The following RNF213 variants were observed in gnomAD, a reference collection of about 807,000 sequenced individuals.
The protein encoded by RNF213 is ring finger protein 213.
A neutral mutation model predicts 514.4 loss-of-function variants in RNF213; 341 were observed. That is an observed-to-expected ratio of 0.66 (90% CI 0.61 to 0.73). RNF213 has a LOEUF of 0.73. Ranked by LOEUF, RNF213 falls within the 30% of genes least tolerant of loss-of-function variation. RNF213 has a pLI of 0.00. For missense variants in RNF213, 5,767 were observed against 6,615.6 expected (o/e 0.87, Z 4.45); for synonymous variants, 2,655 against 2,658.2 (o/e 1.00, Z 0.04).
chr17:80,283,997 G>A (rs999443757), intron 3 of RNF213, among the ~76,000 whole-genome samples: 1 of 152,214 alleles, frequency 6.6e-6, no homozygotes, highest in Admixed American at 6.5e-5. Flanking sequence ...GCCGAGGTGG[G>A]TGGATCACCT....
intron 40 of RNF213, 32 bp from the exon 41 acceptor site, chr17:80,363,577 G>T: frequency 6.2e-7 from 1 of 1,610,890 alleles, no homozygotes; most frequent in South Asian, 1.1e-5. Context: ...GAGGGGCACC[G>T]CTCAGCCACG....
Position 80,347,680 on chromosome 17 carries a change from A to G in RNF213, c.9345A>G (p.Ala3115=). 1 of 1,613,916 alleles carries G rather than the reference A, an allele frequency of 6.2e-7. No homozygotes were observed. The highest frequency in any genetic ancestry group is 8.5e-7 in the Non-Finnish European group (1 of 1,179,886). The change falls in exon 29 of 68, where the codon GCA becomes GCG. Residue 3115 remains alanine, a synonymous_variant. Transcript: ENST00000582970. The surrounding 1 kb of genome is among the most constrained non-coding windows in gnomAD (Gnocchi z 7.2). ...LQNLYESLYD[A]LNQYYVHLGG... ...ACCTCTACGAGAGCCTCTACGACGC[A>G]CTCAACCAGTACTACGTCCACCTCG...
chr17:80,385,945 C>T (rs1043949926), intron 61 of RNF213, among the ~76,000 whole-genome samples: 1 of 152,186 alleles, frequency 6.6e-6, no homozygotes, highest in Non-Finnish European at 1.5e-5. Context: ...GGATTACAAG[C>T]GGGAGCCACT....
At chr17:80,385,467 G>A in intron 60 of RNF213, 71 bp from the exon 61 acceptor site, 6 of 1,316,156 alleles carry the variant, frequency 4.6e-6, no homozygotes, top group Non-Finnish European at 5.5e-6. Flanking sequence ...GGCAGAGCAT[G>A]TAACTAGGGT....
At chr17:80,282,845 G>A (rs991641946) in intron 3 of RNF213, among the ~76,000 whole-genome samples, 1 of 151,842 alleles carries the variant, frequency 6.6e-6, no homozygotes, top group Non-Finnish European at 1.5e-5. Context: ...TTACAGGTGT[G>A]TGCCACCACG....
At position 80,383,071 on chromosome 17, in the gene RNF213, G is replaced by A. The variant is rs1599198600; in HGVS notation, c.14070+1G>A. On this transcript the variant is annotated splice_donor_variant, in intron 58 of 67. Coordinates refer to ENST00000582970, the MANE Select transcript of RNF213 (RefSeq NM_001256071.3). LOFTEE classifies it high-confidence loss of function. ...AGCTGTGATTTCTCCTGAACTGGAG[G>A]TAAGCAGTAAGTGCTGACAGCTGGG... 6.2e-7 allele frequency: 1 copy of A among 1,606,988 alleles called. No individual in the cohort carries two copies. The highest frequency in any genetic ancestry group is 8.5e-7 in the Non-Finnish European group (1 of 1,173,608).
intron 47 of RNF213, 35 bp from the exon 48 acceptor site, chr17:80,372,486 T>A: frequency 6.6e-7 from 1 of 1,525,422 alleles, no homozygotes. Flanking sequence ...TTTAAAAAAA[T>A]AATATCCTTT....
In RNF213 at chr17:80,361,907, G is replaced by A. The variant is rs763170280; in HGVS notation, c.11355+19G>A. The A allele has an allele frequency of 6.2e-6, 10 of 1,607,966 alleles. No individual in the cohort carries two copies. Among genetic ancestry groups the A allele is most frequent in the African/African-American group, 1.3e-5 (1 of 74,756 alleles). On this transcript the variant is annotated intron_variant, in intron 39 of 67. Transcript: ENST00000582970. ...ATTAAAGGTAGATGTTTAGATACTG[G>A]CTAAGGGTCAGGTGTAGAGCTTGCA...
intron 50 of RNF213, among the ~76,000 whole-genome samples, 162 bp from the exon 51 acceptor site, chr17:80,375,598 C>T (rs1258319392): frequency 2.0e-5 from 3 of 151,806 alleles, no homozygotes; most frequent in Admixed American, 1.3e-4. Context: ...CCCAGCTACT[C>T]GGGAGGCTGA....
intron 22 of RNF213, among the ~76,000 whole-genome samples, chr17:80,335,344 G>A (rs2077958884): frequency 1.3e-5 from 2 of 152,336 alleles, no homozygotes; most frequent in South Asian, 4.1e-4. Context: ...AGAGGAGGCA[G>A]GAGGGGCACA....
intron 18 of RNF213, among the ~76,000 whole-genome samples, chr17:80,325,751 G>C (rs1441464278): frequency 6.6e-6 from 1 of 151,924 alleles, no homozygotes; most frequent in African/African-American, 2.4e-5. Flanking sequence ...AAAAACGTTA[G>C]AGTCCAGTTG....
chr17:80,385,621 G>T lies in RNF213; in HGVS notation c.14539G>T (p.Gly4847Cys). Residue 4847 changes from glycine to cysteine, a missense_variant and splice_region_variant, in exon 61 of 68, where the codon GGT becomes TGT. By Grantham distance (159) the Gly-to-Cys change is radical. This residue lies in a region of RNF213 where 1,245 missense variants were observed against 1,339.0 expected (regional missense o/e 0.93). Transcript: ENST00000582970. ...NKLRRSLETN[G>C]EINLPKDYCS... ...ACTGAGGAGATCGCTTGAGACGAAC[G>T]GTTAGTATCCTGTCCCCTGTACCAC... 6.2e-7 allele frequency: 1 copy of T among 1,613,562 alleles called. No individual in the cohort carries two copies. Among genetic ancestry groups the T allele is most frequent in the South Asian group, 1.1e-5 (1 of 91,054 alleles).
chr17:80,352,696 G>GTCTTA (rs1263761556), intron 32 of RNF213: 4 of 644,856 alleles, frequency 6.2e-6, no homozygotes, highest in Non-Finnish European at 8.5e-6. Flanking sequence ...TCCCACGCTG[G>GTCTTA]CCATTGCAGG....
chr17:80,383,723 A>G lies in RNF213; in HGVS notation c.14117A>G (p.Asp4706Gly), dbSNP rs768855138. ...ACCATGAATAATCTCATCAGCCAAG[A>G]TAAGCGTATCAGCTCTAACCCTGTG... ...LPTMNNLISQ[D>G]KRISSNPVAK... Residue 4706 changes from aspartate to glycine, a missense_variant, in exon 59 of 68, where the codon GAT becomes GGT. This residue lies in a region of RNF213 where 1,245 missense variants were observed against 1,339.0 expected (regional missense o/e 0.93). Coordinates refer to ENST00000582970, the MANE Select transcript of RNF213 (RefSeq NM_001256071.3). The G allele has an allele frequency of 2.9e-5, 47 of 1,613,956 alleles. No individual in the cohort carries two copies. Among genetic ancestry groups the G allele is most frequent in the Non-Finnish European group, 3.9e-5 (46 of 1,180,008 alleles).
chr17:80,294,757 T>C lies in RNF213; in HGVS notation c.1509T>C (p.Pro503=). ...ACTATGACATAGTTTATATGAAGCC[T>C]CATGGGAGACTCCAGAAAGTCATGA... is the stretch of plus-strand genomic sequence containing the variant. ...HQYYDIVYMK[P]HGRLQKVMNH... The change falls in exon 9 of 68, where the codon CCT becomes CCC. Residue 503 remains proline, a synonymous_variant. Coordinates refer to ENST00000582970, the MANE Select transcript of RNF213 (RefSeq NM_001256071.3). The C allele has an allele frequency of 6.2e-7, 1 of 1,614,066 alleles. No homozygotes were observed. The highest frequency in any genetic ancestry group is 8.5e-7 in the Non-Finnish European group (1 of 1,180,038).
intron 42 of RNF213, among the ~76,000 whole-genome samples, chr17:80,365,794 G>A (rs372291787): frequency 3.3e-5 from 5 of 152,228 alleles, no homozygotes; most frequent in East Asian, 3.9e-4. Flanking sequence ...ATCATGTCTC[G>A]GCGCTCTGGG....
At chr17:80,322,135 T>G (rs2046156190) in intron 17 of RNF213, among the ~76,000 whole-genome samples, 1 of 148,532 alleles carries the variant, frequency 6.7e-6, no homozygotes, top group African/African-American at 2.5e-5. Flanking sequence ...TTGAGATATT[T>G]TGCCCCTCAT....
At position 80,317,265 on chromosome 17, in the gene RNF213, GAGGCTC is replaced by G; in HGVS notation, c.2891_2896del (p.Arg964_Leu965del). The G allele has an allele frequency of 6.2e-7, 1 of 1,612,596 alleles. No homozygotes were observed. Among genetic ancestry groups the G allele is most frequent in the Non-Finnish European group, 8.5e-7 (1 of 1,179,748 alleles). On this transcript the variant is annotated inframe_deletion, in exon 16 of 68. Coordinates refer to ENST00000582970, the MANE Select transcript of RNF213 (RefSeq NM_001256071.3). The surrounding 1 kb of genome is among the most constrained non-coding windows in gnomAD (Gnocchi z 4.1). ...AGTCGTTGCTGGGAGACATGGAATG[GAGGCTC>G]ACAAAGGTACCAAAAGTTTGGGGGC...
chr17:80,365,834 C>T (rs777561237), intron 42 of RNF213, among the ~76,000 whole-genome samples: 14 of 152,280 alleles, frequency 9.2e-5, no homozygotes, highest in Admixed American at 2.0e-4. Flanking sequence ...CCAGGTCCAG[C>T]GTGGGTCATA....
Sources: gnomAD v4.1 joint callset for allele counts (sites outside exome capture counted in the v4.1 genomes callset) on GRCh38, gnomAD v4.1.1 for gene constraint, gnomAD v4.1.1 regional missense constraint, Gnocchi (gnomAD v3.1) non-coding constraint, MANE v1.5 for transcripts, NCBI Gene and HGNC (gene_info 2026-07-23, HGNC 2026-07-21) for gene names.